The following AGBL1 variants were observed in gnomAD, a reference collection of about 807,000 sequenced individuals.
AGBL1 encodes the protein AGBL carboxypeptidase 1, also known as cytosolic carboxypeptidase 4.
AGBL1 carries 130 observed loss-of-function variants against 118.9 expected under a neutral mutation model. The ratio of observed to expected loss-of-function variants is 1.09; its 90% CI spans 0.95 to 1.26. The LOEUF is 1.26. Among genes scored for constraint, AGBL1 ranks in the 50% most tolerant of loss-of-function variants. The pLI, the probability that AGBL1 is intolerant of heterozygous loss-of-function variation, is 0.00. For synonymous variants in AGBL1, 555 were observed against 478.9 expected (o/e 1.16, Z -2.08); for missense variants, 1,584 against 1,298.1 (o/e 1.22, Z -3.38).
chr15:86,832,867 C>G (rs2079124530), intron 22 of AGBL1, among the ~76,000 whole-genome samples: 1 of 152,162 alleles, frequency 6.6e-6, no homozygotes, highest in Non-Finnish European at 1.5e-5. Flanking sequence ...CTGTATTAGT[C>G]TGTTCTCATG....
intron 16 of AGBL1, among the ~76,000 whole-genome samples, chr15:86,285,723 G>T (rs1314205831): frequency 2.0e-5 from 3 of 152,106 alleles, no homozygotes; most frequent in African/African-American, 7.2e-5. Flanking sequence ...GGCATTTGTT[G>T]ATTTGTAATA....
chr15:86,407,274 C>G (rs1412877874), intron 18 of AGBL1, among the ~76,000 whole-genome samples: 1 of 152,168 alleles, frequency 6.6e-6, no homozygotes, highest in Non-Finnish European at 1.5e-5. Context: ...GTGACATACT[C>G]AAGGTCAGTC....
At chr15:86,567,650 CT>C (rs910841691) in intron 21 of AGBL1, among the ~76,000 whole-genome samples, 8 of 152,072 alleles carry the variant, frequency 5.3e-5, no homozygotes, top group Non-Finnish European at 8.8e-5. Flanking sequence ...TAATTTTGAT[CT>C]TTTTTTTGAT....
chr15:86,300,638 AC>A (rs1480505622), intron 17 of AGBL1, among the ~76,000 whole-genome samples: 2 of 152,038 alleles, frequency 1.3e-5, no homozygotes, highest in Non-Finnish European at 2.9e-5. Context: ...GCAAAGCATA[AC>A]CTTTCTATGT....
intron 22 of AGBL1, among the ~76,000 whole-genome samples, chr15:86,852,589 C>T (rs2079423443): frequency 6.6e-6 from 1 of 152,150 alleles, no homozygotes; most frequent in African/African-American, 2.4e-5. Flanking sequence ...TTGCAAGGTA[C>T]ATTATCTTCA....
At chr15:86,499,247 T>C (rs1195414431) in intron 18 of AGBL1, among the ~76,000 whole-genome samples, 1 of 151,900 alleles carries the variant, frequency 6.6e-6, no homozygotes, top group Admixed American at 6.6e-5. Context: ...AAGGGAATAA[T>C]GATAATTTTT....
At chr15:86,987,610 T>C (rs1261277154) in intron 23 of AGBL1, among the ~76,000 whole-genome samples, 2 of 152,154 alleles carry the variant, frequency 1.3e-5, no homozygotes, top group African/African-American at 4.8e-5. Context: ...TTTACTATTT[T>C]GTTAATAGTT....
chr15:86,179,058 G>C (rs1420991612), intron 5 of AGBL1, among the ~76,000 whole-genome samples: 1 of 152,160 alleles, frequency 6.6e-6, no homozygotes, highest in Non-Finnish European at 1.5e-5. Flanking sequence ...CTGGTGGTCT[G>C]GCCAGCAGCA....
chr15:86,148,453 A>C (rs2345975), intron 3 of AGBL1, among the ~76,000 whole-genome samples: 82,203 of 151,992 alleles, frequency 0.54, 22,576 homozygotes, highest in South Asian at 0.6. Flanking sequence ...GAGCTGAAAA[A>C]CATGGCACAA....
intron 18 of AGBL1, among the ~76,000 whole-genome samples, chr15:86,399,348 CA>C (rs1375529187): frequency 6.6e-6 from 1 of 152,106 alleles, no homozygotes; most frequent in African/African-American, 2.4e-5. Context: ...GGATGGAAAA[CA>C]GTTATGCAAG....
chr15:86,461,310 A>G (rs2082332587), intron 18 of AGBL1, among the ~76,000 whole-genome samples: 1 of 152,178 alleles, frequency 6.6e-6, no homozygotes, highest in African/African-American at 2.4e-5. Flanking sequence ...TATAGAATCC[A>G]TCTGAGCTAT....
At chr15:86,393,717 T>A (rs1033060820) in intron 17 of AGBL1, among the ~76,000 whole-genome samples, 4 of 152,110 alleles carry the variant, frequency 2.6e-5, no homozygotes, top group African/African-American at 9.7e-5. Flanking sequence ...AGTTAGTGAG[T>A]CATTAGTCCT....
chr15:86,244,897 C>T (rs1181906081), intron 6 of AGBL1, among the ~76,000 whole-genome samples: 1 of 152,142 alleles, frequency 6.6e-6, no homozygotes, highest in Non-Finnish European at 1.5e-5. Flanking sequence ...CAAACTCCTT[C>T]AGGCAATAAA....
At chr15:86,963,694 G>A (rs1043816632) in intron 23 of AGBL1, among the ~76,000 whole-genome samples, 2 of 151,886 alleles carry the variant, frequency 1.3e-5, no homozygotes, top group South Asian at 2.1e-4. Context: ...AGAGGGTGGA[G>A]TAGGAGACTC....
At chr15:86,897,541 G>A (rs573083508) in intron 22 of AGBL1, among the ~76,000 whole-genome samples, 6 of 151,290 alleles carry the variant, frequency 4.0e-5, no homozygotes, top group Non-Finnish European at 8.9e-5. Context: ...CCCCTACATT[G>A]GTTTTTCAAT....
At chr15:86,537,285 T>G (rs2083439582) in intron 19 of AGBL1, among the ~76,000 whole-genome samples, 1 of 152,240 alleles carries the variant, frequency 6.6e-6, no homozygotes, top group Non-Finnish European at 1.5e-5. Flanking sequence ...CCAATAACCA[T>G]CTGCTCTGAT....
intron 5 of AGBL1, among the ~76,000 whole-genome samples, chr15:86,170,009 A>C (rs1043594205): frequency 4.6e-5 from 7 of 152,222 alleles, no homozygotes; most frequent in African/African-American, 1.7e-4. Flanking sequence ...AGAAATTATC[A>C]GGCATGCAAA....
rs1009558117 is a variant in AGBL1 at position 87,007,845 on chromosome 15, T to C, written c.3323+19757T>C. On this transcript the variant is annotated intron_variant, in intron 24 of 24. Transcript: ENST00000441037. The stretch of plus-strand genomic sequence containing the variant: ...GGCTCTACAATGCTTGTTTCTATAT[T>C]AAATAGCCTAATGTATATGGCAATT... 4.6e-5 allele frequency among the ~76,000 whole-genome samples: 7 copies of C among 152,314 alleles called. No individual in the cohort carries two copies. In the East Asian group the frequency reaches 9.6e-4, roughly 21 times the overall value.
At chr15:86,378,780 C>A (rs527951952) in intron 17 of AGBL1, among the ~76,000 whole-genome samples, 1 of 151,976 alleles carries the variant, frequency 6.6e-6, no homozygotes, top group Non-Finnish European at 1.5e-5. Context: ...AGTGGCAGGG[C>A]GAGGGTTCAG....
Sources: allele counts gnomAD v4.1 joint callset (sites outside exome capture counted in the v4.1 genomes callset), GRCh38; gene constraint gnomAD v4.1.1; transcripts MANE v1.5; gene names NCBI Gene and HGNC (gene_info 2026-07-23, HGNC 2026-07-21).